The following ADCY2 variants were observed in gnomAD, a reference collection of about 807,000 sequenced individuals.
The protein encoded by ADCY2 is adenylate cyclase 2, also known as adenylate cyclase type 2.
In ADCY2, 31 loss-of-function variants were observed where a neutral mutation model predicts 125.2. The ratio of observed to expected loss-of-function variants is 0.25; its 90% CI spans 0.19 to 0.33. The LOEUF is 0.33. Among genes scored for constraint, ADCY2 ranks in the 10% least tolerant of loss-of-function variants. The probability of loss-of-function intolerance (pLI) is 1.00; values close to 1 mark genes in which losing one functional copy is unlikely to be tolerated. For synonymous variants in ADCY2, 512 were observed against 548.4 expected, an observed-to-expected ratio of 0.93 and a Z score of 0.93; for missense variants, 904 against 1,418.2, an observed-to-expected ratio of 0.64 and a Z score of 5.82.
At chr5:7,662,118 C>G (rs1192247403) in intron 4 of ADCY2, among the ~76,000 whole-genome samples, 1 of 152,184 alleles carries the variant, frequency 6.6e-6, no homozygotes, top group Non-Finnish European at 1.5e-5. Context: ...TTGTTAATCA[C>G]TGTCACTCAA....
At chr5:7,796,677 C>G (rs1384185686) in intron 20 of ADCY2, 2 of 152,266 alleles carry the variant, frequency 1.3e-5, no homozygotes, top group Non-Finnish European at 2.9e-5. Context: ...TGAAGCTTCT[C>G]CATCAGCTGT....
chr5:7,747,099 A>C (rs1197824523), intron 15 of ADCY2, among the ~76,000 whole-genome samples: 4 of 152,174 alleles, frequency 2.6e-5, no homozygotes, highest in African/African-American at 9.6e-5. Context: ...TTTCTGTGAG[A>C]AGCCCAGCCC....
At chr5:7,695,302 C>A (rs1740852647) in intron 5 of ADCY2, among the ~76,000 whole-genome samples, 1 of 152,160 alleles carries the variant, frequency 6.6e-6, no homozygotes, top group Non-Finnish European at 1.5e-5. Context: ...TCTCGTTTTC[C>A]TCTGTAGCCC....
chr5:7,589,498 G>GAAAGAAAGAA (rs1554022208), intron 3 of ADCY2, among the ~76,000 whole-genome samples: 3 of 51,660 alleles, frequency 5.8e-5, no homozygotes, highest in Non-Finnish European at 1.5e-4. Flanking sequence ...AAGAAAGAAA[G>GAAAGAAAGAA]AAAGAAAGAA....
chr5:7,728,996 C>A (rs1742016020), intron 14 of ADCY2, among the ~76,000 whole-genome samples: 1 of 152,148 alleles, frequency 6.6e-6, no homozygotes, highest in Non-Finnish European at 1.5e-5. Flanking sequence ...GGTGTTGCAT[C>A]TTTATGAGGA....
chr5:7,521,481 A>G (rs1744443420), intron 3 of ADCY2, among the ~76,000 whole-genome samples: 1 of 152,214 alleles, frequency 6.6e-6, no homozygotes, highest in Admixed American at 6.5e-5. Context: ...TTGATTTCTA[A>G]TTATGTACAC....
At chr5:7,686,038 GA>G (rs1409665689) in intron 4 of ADCY2, among the ~76,000 whole-genome samples, 1 of 152,080 alleles carries the variant, frequency 6.6e-6, no homozygotes, top group Non-Finnish European at 1.5e-5. Context: ...AATTACAAAA[GA>G]AAAACTTAAA....
At chr5:7,426,692 C>T (rs1226288032) in intron 2 of ADCY2, among the ~76,000 whole-genome samples, 1 of 152,170 alleles carries the variant, frequency 6.6e-6, no homozygotes, top group Non-Finnish European at 1.5e-5. Context: ...TTAGCTTCAG[C>T]ACCATAAGCA....
At chr5:7,769,605 C>G (rs906791658) in intron 17 of ADCY2, among the ~76,000 whole-genome samples, 2 of 152,092 alleles carry the variant, frequency 1.3e-5, no homozygotes, top group Non-Finnish European at 2.9e-5. Flanking sequence ...TGTATTATTT[C>G]TCTAGTGGGA....
At chr5:7,598,139 C>T (rs932476198) in intron 3 of ADCY2, among the ~76,000 whole-genome samples, 2 of 152,188 alleles carry the variant, frequency 1.3e-5, no homozygotes, top group African/African-American at 4.8e-5. Flanking sequence ...TTGGGCTGGA[C>T]TGGGAGCTAA....
intron 2 of ADCY2, among the ~76,000 whole-genome samples, chr5:7,472,351 T>C (rs1000199555): frequency 6.6e-6 from 1 of 152,176 alleles, no homozygotes; most frequent in African/African-American, 2.4e-5. Flanking sequence ...CATATTTTTA[T>C]CTCTAGCATT....
rs1739994053 is a variant in ADCY2, at chr5:7,417,350, G to T, written c.408+2580G>T. On this transcript the variant is annotated intron_variant, in intron 2 of 24. Coordinates refer to ENST00000338316, the MANE Select transcript of ADCY2 (RefSeq NM_020546.3). ...TTATGTTGACCTTACAGTGTCCGTG[G>T]GCTCTTCTGGGTTCTGTTAGTTGAT... 2.0e-5 allele frequency among the ~76,000 whole-genome samples: 3 copies of T among 151,982 alleles called. No homozygotes were observed. In the South Asian group the frequency reaches 6.3e-4, roughly 32 times the overall value.
intron 14 of ADCY2, among the ~76,000 whole-genome samples, chr5:7,737,012 T>C (rs1421232258): frequency 6.6e-6 from 1 of 152,172 alleles, no homozygotes; most frequent in Non-Finnish European, 1.5e-5. Flanking sequence ...AAAACTTTTT[T>C]TTTGCTATTT....
chr5:7,589,052 T>G (rs1217976848), intron 3 of ADCY2, among the ~76,000 whole-genome samples: 1 of 152,116 alleles, frequency 6.6e-6, no homozygotes, highest in Non-Finnish European at 1.5e-5. Context: ...AAAACTAAAG[T>G]GATTAAATTT....
At chr5:7,507,091 C>T (rs72709168) in intron 2 of ADCY2, among the ~76,000 whole-genome samples, 25,855 of 150,794 alleles carry the variant, frequency 0.17, 2,379 homozygotes, top group African/African-American at 0.2. Context: ...TTTCTTCACA[C>T]GCGGGAGGGC....
chr5:7,811,415 A>G (rs894442465), intron 22 of ADCY2, among the ~76,000 whole-genome samples: 6 of 151,600 alleles, frequency 4.0e-5, no homozygotes, highest in Admixed American at 2.0e-4. Flanking sequence ...GCAGGAGAAT[A>G]GTGTGAACCC....
intron 15 of ADCY2, among the ~76,000 whole-genome samples, chr5:7,750,207 A>C (rs1030506877): frequency 2.6e-5 from 4 of 151,258 alleles, no homozygotes; most frequent in Non-Finnish European, 5.9e-5. Flanking sequence ...CTTCTTTTGG[A>C]CTCCTGGAGT....
chr5:7,707,010 C>T (rs1005091141), intron 8 of ADCY2, 108 bp downstream of exon 8: 4 of 1,403,400 alleles, frequency 2.9e-6, no homozygotes, highest in Non-Finnish European at 2.9e-6. Context: ...TCTGTTGCCT[C>T]TGTTGGTATC....
intron 2 of ADCY2, among the ~76,000 whole-genome samples, chr5:7,516,140 A>T (rs1234577771): frequency 1.3e-5 from 2 of 152,154 alleles, no homozygotes; most frequent in Non-Finnish European, 2.9e-5. Flanking sequence ...TCCTGCCAGG[A>T]GGGAGAGCAT....
Sources: gnomAD v4.1 joint callset for allele counts (sites outside exome capture counted in the v4.1 genomes callset) on GRCh38, gnomAD v4.1.1 for gene constraint, MANE v1.5 for transcripts, NCBI Gene and HGNC (gene_info 2026-07-23, HGNC 2026-07-21) for gene names.